Variants in ZFR2 observed in about 807,000 individuals in gnomAD.
ZFR2 encodes the protein zinc finger RNA binding protein 2.
A neutral mutation model predicts 105.7 loss-of-function variants in ZFR2; 104 were observed. That is an observed-to-expected ratio of 0.98 (90% confidence interval 0.84 to 1.16). ZFR2 has a LOEUF of 1.16. Ranked by LOEUF, ZFR2 falls within the 50% of genes most tolerant of loss-of-function variation. ZFR2 has a pLI of 0.00. For missense variants in ZFR2, 1,425 were observed against 1,355.5 expected (o/e 1.05, Z -0.80); for synonymous variants, 634 against 597.7 (o/e 1.06, Z -0.89).
chr19:3,814,854 T>C (rs996338903), intron 13 of ZFR2, among the ~76,000 whole-genome samples: 3 of 152,184 alleles, frequency 2.0e-5, no homozygotes, highest in Non-Finnish European at 4.4e-5. Flanking sequence ...TGGCTTGATC[T>C]AGGTGCCCCC....
At position 3,805,668 on chromosome 19, in the gene ZFR2, G is replaced by T; in HGVS notation, c.*281C>A. The T allele has an allele frequency of 2.7e-6, 1 of 363,848 alleles. No homozygotes were observed. The highest frequency in any genetic ancestry group is 4.5e-5 in the Admixed American group (1 of 22,052). 22.5% of individuals were successfully genotyped at this position (363,848 alleles called of 1,614,324 possible). Reference sequence around the variant, plus strand: ...GCCTGGCCACCAACCATGCCAAGCTGATTTTTAAAAATATTTTGGAGAGAT... The same window carrying T: ...GCCTGGCCACCAACCATGCCAAGCTTATTTTTAAAAATATTTTGGAGAGAT... On this transcript the variant is annotated 3_prime_UTR_variant, in exon 19 of 19. Coordinates refer to ENST00000262961, the MANE Select transcript of ZFR2 (RefSeq NM_015174.2).
Position 3,831,536 on chromosome 19 carries a change from C to T in ZFR2, c.619G>A (p.Asp207Asn), listed in dbSNP as rs1436526716. The T allele has an allele frequency of 6.4e-7, 1 of 1,561,924 alleles. No homozygotes were observed. The highest frequency in any genetic ancestry group is 8.7e-7 in the Non-Finnish European group (1 of 1,153,622). The change falls in exon 5 of 19, where the codon GAC (aspartate) becomes AAC (asparagine). Residue 207 changes from aspartate (D) to asparagine (N), a missense_variant. Transcript: ENST00000262961. Reference protein sequence around the residue: ...AYTAPSYPNYDASVYSAASPF... With the variant: ...AYTAPSYPNYNASVYSAASPF... ...CTGGCAGCGGAGTACACCGACGCGT[C>T]ATAGTTCGGGTAGCTTGGTGCTGAG...
chr19:3,819,899 C>T (rs1333209454), intron 11 of ZFR2, among the ~76,000 whole-genome samples: 1 of 151,336 alleles, frequency 6.6e-6, no homozygotes, highest in African/African-American at 2.4e-5. Context: ...GCTGCGGGGA[C>T]AGGTGCTTCT....
In ZFR2 at chr19:3,827,513, C is replaced by T. The variant is rs960451142; in HGVS notation, c.993G>A (p.Ala331=). The T allele has an allele frequency of 4.4e-5, 68 of 1,556,500 alleles. No individual in the cohort carries two copies. Among genetic ancestry groups the T allele is most frequent in the Non-Finnish European group, 5.4e-5 (62 of 1,150,956 alleles). The change falls in exon 6 of 19, where the codon GCG becomes GCA. Residue 331 remains alanine (A), a synonymous_variant. Transcript: ENST00000262961. ...CCCGGATGTGGGCCGCGTAGGCGTC[C>T]GCCCCGGTGCAGGACACGGCGCACA... is the stretch of plus-strand genomic sequence containing the variant. ...CDLCAVSCTG[A]DAYAAHIRGS... is the part of the protein sequence containing the mutation.
At chr19:3,812,767 C>G (rs537770693) in intron 14 of ZFR2, among the ~76,000 whole-genome samples, 1 of 151,864 alleles carries the variant, frequency 6.6e-6, no homozygotes, top group Non-Finnish European at 1.5e-5. Flanking sequence ...AAAAACAAAA[C>G]AAAACACTTA....
chr19:3,810,964 A>T, intron 15 of ZFR2, 119 bp from the exon 16 acceptor site: 1 of 1,160,088 alleles, frequency 8.6e-7, no homozygotes, highest in South Asian at 1.6e-5. Flanking sequence ...GCGGGCCTCG[A>T]AGGTGGCGGG....
At chr19:3,812,169 C>G (rs1170308375) in intron 14 of ZFR2, among the ~76,000 whole-genome samples, 1 of 152,140 alleles carries the variant, frequency 6.6e-6, no homozygotes, top group African/African-American at 2.4e-5. Flanking sequence ...ATCTCGAACC[C>G]CTCACCTCAG....
Position 3,805,885 on chromosome 19 carries a change from G to A in ZFR2, c.*64C>T. 2 of 1,424,998 alleles carry A rather than the reference G, an allele frequency of 1.4e-6. 1 individual carries two copies. The allele number at this position is 1,424,998 out of a possible 1,614,324, so 88.3% of individuals were successfully genotyped here. On this transcript the variant is annotated 3_prime_UTR_variant, in exon 19 of 19. Transcript: ENST00000262961. ...AACGTCGGGGATGAAGCAGCCATTG[G>A]TCGGCGCGCACACGTCCAGGAGTGC...
Position 3,823,335 on chromosome 19 carries a change from C to T in ZFR2, c.1282G>A (p.Gly428Ser). The T allele has an allele frequency of 6.2e-7, 1 of 1,613,994 alleles. No homozygotes were observed. Among genetic ancestry groups the T allele is most frequent in the Non-Finnish European group, 8.5e-7 (1 of 1,179,870 alleles). ...CCTCCTTGGGTAGGTGCTCCGGGAC[C>T]CTCTAATTTAGGTTGGGCTGGTTTC... ...WGKPAQPKLE[G>S]PGAPTQGGSK... Residue 428 changes from glycine to serine, a missense_variant, in exon 8 of 19, where the codon GGT becomes AGT. Gly to Ser is a moderately conservative substitution (Grantham distance 56, BLOSUM62 0). Transcript: ENST00000262961. The surrounding 1 kb of genome is among the most constrained non-coding windows in gnomAD (Gnocchi z 5.4).
intron 18 of ZFR2, 23 bp downstream of exon 18, chr19:3,807,136 CTGGGTGTCACCCT>C: frequency 6.7e-7 from 1 of 1,483,860 alleles, no homozygotes; most frequent in Admixed American, 2.0e-5. Flanking sequence ...GAGCTGGGGC[CTGGGTGTCACCCT>C]TGCCGTGACT....
chr19:3,809,981 T>A (rs988191262), intron 16 of ZFR2, among the ~76,000 whole-genome samples: 1 of 151,984 alleles, frequency 6.6e-6, no homozygotes, highest in Non-Finnish European at 1.5e-5. Flanking sequence ...AAAAGAGACT[T>A]AATCTCTACC....
In ZFR2 at chr19:3,813,896, G is replaced by A. The variant is rs2037798462; in HGVS notation, c.2166C>T (p.Ser722=). 6.2e-7 allele frequency: 1 copy of A among 1,613,988 alleles called. No individual in the cohort carries two copies. The highest frequency in any genetic ancestry group is 1.1e-5 in the South Asian group (1 of 91,088). ...TGACCTGCATCCTGGGCTCCTCACA[G>A]GAGGAGATGACAATGTTGGCTTCAG... ...SDPEANIVIS[S]CEEPRMQVTI... is the part of the protein sequence containing the mutation. Residue 722 remains serine (S), a synonymous_variant, in exon 14 of 19, where the codon TCC becomes TCT. Coordinates refer to ENST00000262961, the MANE Select transcript of ZFR2 (RefSeq NM_015174.2). This position sits in a 1 kb window ranked among gnomAD's most constrained non-coding sequence, Gnocchi z 4.4.
At chr19:3,861,724 G>A (rs990424263) in intron 1 of ZFR2, among the ~76,000 whole-genome samples, 7 of 152,188 alleles carry the variant, frequency 4.6e-5, no homozygotes, top group African/African-American at 1.7e-4. Flanking sequence ...TCAGGGGTTT[G>A]AGACCAGCCC....
rs564726211 is a variant in ZFR2, at chr19:3,835,897, G to A, written c.54-914C>T. ...GAGCCCAGGAAGTAGAGGCTGCAGT[G>A]AGCTATGATCTCACCACTGAACTCC... On this transcript the variant is annotated intron_variant, in intron 1 of 18. Transcript: ENST00000262961. Among the ~76,000 whole-genome samples the A allele has an allele frequency of 3.9e-5, 6 of 152,176 alleles. No individual in the cohort carries two copies. The South Asian group carries it at 1.2e-3, about 32-fold the overall frequency.
rs2038338080 is a variant in ZFR2, at chr19:3,858,875, A to G, written c.53+10090T>C. ...GACTCTTTCTTCCCGAACACAGCTC[A>G]TCACCTATTTCTCTATCACCCCCAT... On this transcript the variant is annotated intron_variant, in intron 1 of 18. Transcript: ENST00000262961. This position sits in a 1 kb window ranked among gnomAD's most constrained non-coding sequence, Gnocchi z 4.3. Among the ~76,000 whole-genome samples, 1 of 152,196 alleles carries G rather than the reference A, an allele frequency of 6.6e-6. No individual in the cohort carries two copies. The highest frequency in any genetic ancestry group is 1.5e-5 in the Non-Finnish European group (1 of 68,030).
chr19:3,821,604 CT>C (rs56275505), intron 9 of ZFR2, 125 bp from the exon 10 acceptor site: 3,770 of 245,400 alleles, frequency 0.015, 1 homozygote, highest in South Asian at 0.034. Flanking sequence ...CTCCCAAAGC[CT>C]TTTTTTTTTT....
intron 1 of ZFR2, among the ~76,000 whole-genome samples, chr19:3,856,380 TC>T (rs2038301776): frequency 6.6e-6 from 1 of 152,046 alleles, no homozygotes. Context: ...AAACTGGGTG[TC>T]ATCGATAGTT....
chr19:3,806,162 G>A (rs767193533), intron 18 of ZFR2, 37 bp from the exon 19 acceptor site: 24 of 1,399,292 alleles, frequency 1.7e-5, no homozygotes, highest in East Asian at 8.7e-5. Context: ...ACCCCCGCCC[G>A]CTCTGCTCCC....
chr19:3,829,295 T>C (rs2037985608), intron 5 of ZFR2, among the ~76,000 whole-genome samples: 1 of 145,588 alleles, frequency 6.9e-6, no homozygotes, highest in Non-Finnish European at 1.5e-5. Context: ...CATAAATATA[T>C]TACCTAAGCA....
Sources: gnomAD v4.1 joint callset for allele counts (sites outside exome capture counted in the v4.1 genomes callset) on GRCh38, gnomAD v4.1.1 for gene constraint, Gnocchi (gnomAD v3.1) non-coding constraint, MANE v1.5 for transcripts, NCBI Gene and HGNC (gene_info 2026-07-23, HGNC 2026-07-21) for gene names.